ACAD11: variants seen among roughly 807,000 people sequenced by gnomAD.
ACAD11 encodes the protein acyl-CoA dehydrogenase family member 11.
ACAD11 carries 83 observed loss-of-function variants against 102.2 expected under a neutral mutation model. The ratio of observed to expected loss-of-function variants is 0.81; its 90% CI spans 0.68 to 0.97. ACAD11 has a LOEUF of 0.97. Ranked by LOEUF, ACAD11 falls within the 50% of genes least tolerant of loss-of-function variation. ACAD11 has a pLI of 0.00. For missense variants in ACAD11, 901 were observed against 951.7 expected (o/e 0.95, Z 0.70); for synonymous variants, 324 against 319.8 (o/e 1.01, Z -0.14).
rs758391983 is a variant in ACAD11 at position 132,559,909 on chromosome 3, C to G, written c.2152G>C (p.Val718Leu). The G allele has an allele frequency of 3.1e-6, 5 of 1,613,368 alleles. No individual in the cohort carries two copies. Among genetic ancestry groups the G allele is most frequent in the Non-Finnish European group, 4.2e-6 (5 of 1,179,666 alleles). ...ATGGCCCAGTCAACGATTTTGCTGA[C>G]AGCCCGTGGGGCAGCCACTTTGATC... ...AMIKVAAPRA[V>L]SKIVDWAIQV... The change falls in exon 19 of 20, where the codon GTC (valine) becomes CTC (leucine). Residue 718 changes from valine to leucine, a missense_variant. Transcript: ENST00000264990.
chr3:132,659,522 TA>T, intron 1 of ACAD11, 80 bp downstream of exon 1: 1 of 1,586,808 alleles, frequency 6.3e-7, no homozygotes, highest in Non-Finnish European at 8.6e-7. Flanking sequence ...GGGAGAAACT[TA>T]GGAAACCACC....
At chr3:132,587,405 C>T (rs758900520) in intron 13 of ACAD11, among the ~76,000 whole-genome samples, 3 of 152,076 alleles carry the variant, frequency 2.0e-5, no homozygotes, top group Non-Finnish European at 2.9e-5. Context: ...TGTTATTAAG[C>T]CCAGTCAGTG....
At chr3:132,560,084 CT>C in intron 18 of ACAD11, 142 bp from the exon 19 acceptor site, 2 of 637,178 alleles carry the variant, frequency 3.1e-6, no homozygotes, top group East Asian at 2.8e-5. Flanking sequence ...CAAAGAGATC[CT>C]GCTGCAATGC....
intron 1 of ACAD11, among the ~76,000 whole-genome samples, chr3:132,658,633 C>T (rs1937946579): frequency 6.6e-6 from 1 of 152,176 alleles, no homozygotes; most frequent in Non-Finnish European, 1.5e-5. Context: ...TTCTTTATTC[C>T]ACCTTTCCCT....
chr3:132,649,111 C>T (rs943186604), intron 1 of ACAD11, among the ~76,000 whole-genome samples: 2 of 152,246 alleles, frequency 1.3e-5, no homozygotes, highest in African/African-American at 2.4e-5. Flanking sequence ...GGGACCTCTG[C>T]CCTGGAAAGC....
chr3:132,633,609 C>T (rs990196310), intron 5 of ACAD11, among the ~76,000 whole-genome samples: 3 of 152,122 alleles, frequency 2.0e-5, no homozygotes, highest in Non-Finnish European at 4.4e-5. Flanking sequence ...AGGGAGGATT[C>T]CCTCTTTTTG....
chr3:132,577,862 G>T (rs1019525457), intron 15 of ACAD11, among the ~76,000 whole-genome samples: 3 of 152,066 alleles, frequency 2.0e-5, no homozygotes, highest in African/African-American at 4.8e-5. Flanking sequence ...ACGCATTTTT[G>T]GTATCTTTGC....
intron 14 of ACAD11, 137 bp from the exon 15 acceptor site, chr3:132,579,018 A>G (rs766672056): frequency 1.0e-4 from 154 of 1,523,114 alleles, no homozygotes; most frequent in Non-Finnish European, 1.2e-4. Context: ...GGAACTGTGT[A>G]AAAGACGTAC....
intron 19 of ACAD11, 128 bp downstream of exon 19, chr3:132,559,705 T>C (rs1437520687): frequency 7.4e-6 from 5 of 678,048 alleles, no homozygotes; most frequent in African/African-American, 1.8e-5. Flanking sequence ...TCTATATTAA[T>C]GTATATCACT....
At chr3:132,656,363 C>T (rs1443734686) in intron 1 of ACAD11, among the ~76,000 whole-genome samples, 1 of 152,140 alleles carries the variant, frequency 6.6e-6, no homozygotes, top group African/African-American at 2.4e-5. Flanking sequence ...ACTGCTAGGT[C>T]ATAGGTCATG....
chr3:132,598,804 G>A (rs868192853), intron 13 of ACAD11, among the ~76,000 whole-genome samples: 1 of 152,190 alleles, frequency 6.6e-6, no homozygotes, highest in Non-Finnish European at 1.5e-5. Flanking sequence ...GGTGGCAGGA[G>A]CCATGGATGG....
chr3:132,644,857 G>A lies in ACAD11; in HGVS notation c.189C>T (p.Gly63=). 6.2e-7 allele frequency: 1 copy of A among 1,612,218 alleles called. No homozygotes were observed. Among genetic ancestry groups the A allele is most frequent in the East Asian group, 2.2e-5 (1 of 44,814 alleles). The change falls in exon 2 of 20, where the codon GGC becomes GGT. Residue 63 remains glycine, a synonymous_variant. Coordinates refer to ENST00000264990, the MANE Select transcript of ACAD11 (RefSeq NM_032169.5). ...TTTTCCTGAGCACATATGTTTGAAA[G>A]CCCTTCTGGAGATAAAAGGTTGGAT... ...KSNPTFYLQK[G]FQTYVLRKKP...
At chr3:132,634,595 A>G (rs1157052938) in intron 5 of ACAD11, among the ~76,000 whole-genome samples, 1 of 152,186 alleles carries the variant, frequency 6.6e-6, no homozygotes, top group Non-Finnish European at 1.5e-5. Context: ...TGCTATAAAG[A>G]CACATGCACA....
intron 13 of ACAD11, among the ~76,000 whole-genome samples, chr3:132,579,857 A>G (rs1378282407): frequency 6.6e-6 from 1 of 152,164 alleles, no homozygotes; most frequent in African/African-American, 2.4e-5. Context: ...TCAGCATGCT[A>G]GAAAAGCTGA....
chr3:132,620,241 T>G (rs779986649), intron 9 of ACAD11: 5 of 152,220 alleles, frequency 3.3e-5, no homozygotes, highest in Non-Finnish European at 5.9e-5. Flanking sequence ...TAGCTCTGGC[T>G]GGAATAGACA....
chr3:132,613,125 G>A (rs1939234881), intron 11 of ACAD11, among the ~76,000 whole-genome samples: 1 of 150,466 alleles, frequency 6.6e-6, no homozygotes, highest in African/African-American at 2.5e-5. Context: ...CTATCGCAAG[G>A]ACAAAAAACC....
chr3:132,613,940 A>G (rs1027368946), intron 11 of ACAD11, among the ~76,000 whole-genome samples: 5 of 152,056 alleles, frequency 3.3e-5, no homozygotes, highest in Non-Finnish European at 4.4e-5. Flanking sequence ...TCTCAGCCCA[A>G]AATCTCCTTA....
At chr3:132,571,522 A>T (rs1250933647) in intron 17 of ACAD11, among the ~76,000 whole-genome samples, 1 of 151,938 alleles carries the variant, frequency 6.6e-6, no homozygotes, top group Non-Finnish European at 1.5e-5. Context: ...GCATTGATCA[A>T]TTTTTGCTTT....
chr3:132,629,679 C>T (rs1226857592), intron 7 of ACAD11, among the ~76,000 whole-genome samples: 2 of 152,116 alleles, frequency 1.3e-5, no homozygotes, highest in African/African-American at 4.8e-5. Flanking sequence ...AGCATGAACT[C>T]TGAGGACAGA....
Sources: allele counts gnomAD v4.1 joint callset (sites outside exome capture counted in the v4.1 genomes callset), GRCh38; gene constraint gnomAD v4.1.1; transcripts MANE v1.5; gene names NCBI Gene and HGNC (gene_info 2026-07-23, HGNC 2026-07-21).